The following LDB2 variants were observed in gnomAD, a reference collection of about 807,000 sequenced individuals.
LDB2 encodes LIM domain binding 2.
Under a neutral mutation model 44.3 loss-of-function variants are expected in LDB2, and 12 were observed. That is an observed-to-expected ratio of 0.27 (90% CI 0.17 to 0.44). The LOEUF (loss-of-function observed/expected upper bound fraction) is 0.44, where lower values mean the gene tolerates loss of function less well. Ranked by LOEUF, LDB2 falls within the 20% of genes least tolerant of loss-of-function variation. The probability of loss-of-function intolerance (pLI) is 1.00; values close to 1 mark genes in which losing one functional copy is unlikely to be tolerated. For missense variants in LDB2, 344 were observed against 473.5 expected (o/e 0.73, Z 2.54); for synonymous variants, 164 against 174.8 (o/e 0.94, Z 0.49).
At chr4:16,697,035 A>G (rs1752275620) in intron 2 of LDB2, among the ~76,000 whole-genome samples, 1 of 152,184 alleles carries the variant, frequency 6.6e-6, no homozygotes, top group African/African-American at 2.4e-5. Context: ...GAGTCTCCAC[A>G]GACATCAGAG....
At chr4:16,538,076 G>T (rs1444159242) in intron 5 of LDB2, among the ~76,000 whole-genome samples, 1 of 152,218 alleles carries the variant, frequency 6.6e-6, no homozygotes, top group Non-Finnish European at 1.5e-5. Flanking sequence ...GCTTGTCAAA[G>T]TGGCTCTCAG....
chr4:16,691,134 CCAA>C (rs1302305833), intron 2 of LDB2, among the ~76,000 whole-genome samples: 1 of 152,096 alleles, frequency 6.6e-6, no homozygotes, highest in Non-Finnish European at 1.5e-5. Flanking sequence ...AGATAGGTCA[CCAA>C]CGTCAAATAG....
At chr4:16,656,924 G>C (rs1331335678) in intron 2 of LDB2, among the ~76,000 whole-genome samples, 2 of 152,148 alleles carry the variant, frequency 1.3e-5, no homozygotes, top group Non-Finnish European at 2.9e-5. Flanking sequence ...GTATAGACAT[G>C]TTTTGAAATT....
intron 2 of LDB2, among the ~76,000 whole-genome samples, chr4:16,660,116 A>T (rs550380310): frequency 3.9e-5 from 6 of 152,290 alleles, no homozygotes; most frequent in African/African-American, 1.4e-4. Flanking sequence ...ACAGAGAAAG[A>T]ATGACATAGA....
intron 1 of LDB2, among the ~76,000 whole-genome samples, chr4:16,822,383 A>G (rs533005805): frequency 1.9e-4 from 29 of 152,302 alleles, no homozygotes; most frequent in South Asian, 4.1e-4. Flanking sequence ...GAGTATGTCA[A>G]GTGGAGGATG....
chr4:16,714,560 T>C (rs1333317636), intron 2 of LDB2, among the ~76,000 whole-genome samples: 2 of 152,114 alleles, frequency 1.3e-5, no homozygotes, highest in East Asian at 1.9e-4. Flanking sequence ...TTAAAGTCCT[T>C]CTCTTCTACT....
At chr4:16,624,166 C>T (rs546711422) in intron 2 of LDB2, among the ~76,000 whole-genome samples, 11 of 152,264 alleles carry the variant, frequency 7.2e-5, no homozygotes, top group South Asian at 4.1e-4. Context: ...CTATGTGAGA[C>T]GAACATTAAT....
intron 5 of LDB2, among the ~76,000 whole-genome samples, chr4:16,534,649 G>A (rs1441919212): frequency 6.6e-6 from 1 of 152,060 alleles, no homozygotes; most frequent in Non-Finnish European, 1.5e-5. Context: ...TTGCCCATGT[G>A]GTAGACAAAA....
At chr4:16,532,225 C>A (rs959577136) in intron 5 of LDB2, among the ~76,000 whole-genome samples, 11 of 152,260 alleles carry the variant, frequency 7.2e-5, no homozygotes, top group Admixed American at 3.9e-4. Context: ...ACAATGTTTT[C>A]TTCGGGTCCA....
At chr4:16,780,814 T>A (rs1310437235) in intron 1 of LDB2, among the ~76,000 whole-genome samples, 1 of 152,130 alleles carries the variant, frequency 6.6e-6, no homozygotes, top group Non-Finnish European at 1.5e-5. Flanking sequence ...TAAAATTTAA[T>A]GAGTACATTA....
At chr4:16,880,753 A>T (rs1039439528) in intron 1 of LDB2, among the ~76,000 whole-genome samples, 1 of 151,892 alleles carries the variant, frequency 6.6e-6, no homozygotes, top group Non-Finnish European at 1.5e-5. Context: ...AAATACAAAA[A>T]ATTAGCCGAG....
intron 5 of LDB2, among the ~76,000 whole-genome samples, 168 bp downstream of exon 5, chr4:16,585,754 A>T (rs973160417): frequency 1.3e-5 from 2 of 151,778 alleles, no homozygotes; most frequent in African/African-American, 4.8e-5. Flanking sequence ...TGTTAATTAA[A>T]CCCTGTCCTC....
intron 2 of LDB2, among the ~76,000 whole-genome samples, chr4:16,684,889 A>G (rs1748837228): frequency 6.6e-6 from 1 of 152,236 alleles, no homozygotes; most frequent in African/African-American, 2.4e-5. Flanking sequence ...TCTTTTACAG[A>G]TACTCTACTT....
intron 1 of LDB2, among the ~76,000 whole-genome samples, chr4:16,812,418 C>T (rs1780049028): frequency 6.6e-6 from 1 of 151,954 alleles, no homozygotes; most frequent in Non-Finnish European, 1.5e-5. Context: ...CATACGGTTG[C>T]TTGTTTTGTT....
At chr4:16,609,948 A>C (rs1327710926) in intron 2 of LDB2, among the ~76,000 whole-genome samples, 1 of 152,032 alleles carries the variant, frequency 6.6e-6, no homozygotes, top group African/African-American at 2.4e-5. Flanking sequence ...TGGCATCCTA[A>C]TGGCATCAGG....
intron 1 of LDB2, among the ~76,000 whole-genome samples, chr4:16,887,059 A>T (rs1302343841): frequency 7.3e-6 from 1 of 137,208 alleles, no homozygotes; most frequent in Non-Finnish European, 1.6e-5. Flanking sequence ...AAAAAAAAAA[A>T]ATCAACACTG....
At chr4:16,668,170 A>G (rs985206024) in intron 2 of LDB2, among the ~76,000 whole-genome samples, 1 of 152,050 alleles carries the variant, frequency 6.6e-6, no homozygotes, top group Non-Finnish European at 1.5e-5. Context: ...ATATATATAT[A>G]CATGTACTGG....
chr4:16,720,878 T>C (rs1310177724), intron 2 of LDB2, among the ~76,000 whole-genome samples: 1 of 152,066 alleles, frequency 6.6e-6, no homozygotes, highest in South Asian at 2.1e-4. Context: ...TCCTTCTCAA[T>C]ACAAGGAAGA....
At chr4:16,614,701 A>G (rs1403252638) in intron 2 of LDB2, among the ~76,000 whole-genome samples, 1 of 151,996 alleles carries the variant, frequency 6.6e-6, no homozygotes. Context: ...GCTCAACATC[A>G]CTGATCATCA....
Sources: allele counts gnomAD v4.1 joint callset (sites outside exome capture counted in the v4.1 genomes callset), GRCh38; gene constraint gnomAD v4.1.1; transcripts MANE v1.5; gene names NCBI Gene and HGNC (gene_info 2026-07-23, HGNC 2026-07-21).